PPARGC1A: variants seen among roughly 807,000 people sequenced by gnomAD.
PPARGC1A encodes the protein PPARG coactivator 1 alpha.
PPARGC1A carries 25 observed loss-of-function variants against 88.7 expected under a neutral mutation model. The ratio of observed to expected loss-of-function variants is 0.28; its 90% CI spans 0.21 to 0.39. The LOEUF (loss-of-function observed/expected upper bound fraction) is 0.39, where lower values mean the gene tolerates loss of function less well. Among genes scored for constraint, PPARGC1A ranks in the 10% least tolerant of loss-of-function variants. PPARGC1A has a pLI of 1.00. For synonymous variants in PPARGC1A, 363 were observed against 355.6 expected (o/e 1.02, Z -0.24); for missense variants, 880 against 968.7 (o/e 0.91, Z 1.22).
At chr4:24,238,216 T>A in the PPARGC1A span, among the ~76,000 whole-genome samples, 1 of 152,188 alleles carries the variant, frequency 6.6e-6, no homozygotes, top group Non-Finnish European at 1.5e-5. Context: ...CTACACACAG[T>A]ATCACCCTCT....
the PPARGC1A span, among the ~76,000 whole-genome samples, chr4:24,218,106 C>G: frequency 6.6e-6 from 1 of 152,144 alleles, no homozygotes; most frequent in South Asian, 2.1e-4. Flanking sequence ...TTAAGACAAA[C>G]ATGTTTTCCT....
the PPARGC1A span, among the ~76,000 whole-genome samples, chr4:24,177,373 A>C: frequency 2.7e-5 from 4 of 150,652 alleles, no homozygotes; most frequent in Non-Finnish European, 1.5e-5. Flanking sequence ...AGGACAAAAA[A>C]CCAAACACCG....
the PPARGC1A span, among the ~76,000 whole-genome samples, chr4:24,057,865 CTG>C: frequency 1.3e-5 from 2 of 152,222 alleles, no homozygotes; most frequent in African/African-American, 2.4e-5. Context: ...AATTGGAAAA[CTG>C]TTTTAATTAG....
At chr4:24,227,391 T>C in the PPARGC1A span, among the ~76,000 whole-genome samples, 4 of 152,206 alleles carry the variant, frequency 2.6e-5, no homozygotes, top group Non-Finnish European at 4.4e-5. Context: ...CAACATAGCC[T>C]TGGGCAAATG....
At chr4:24,291,574 G>A in the PPARGC1A span, among the ~76,000 whole-genome samples, 5 of 152,108 alleles carry the variant, frequency 3.3e-5, no homozygotes, top group African/African-American at 1.2e-4. Context: ...TCAAGTATGG[G>A]AACACTGAGG....
chr4:24,455,809 C>A, the PPARGC1A span, among the ~76,000 whole-genome samples: 1 of 152,310 alleles, frequency 6.6e-6, no homozygotes, highest in East Asian at 1.9e-4. Context: ...ACACGAAGGC[C>A]CTCACCAAAC....
the PPARGC1A span, among the ~76,000 whole-genome samples, chr4:24,295,848 G>T: frequency 6.6e-6 from 1 of 151,120 alleles, no homozygotes; most frequent in South Asian, 2.1e-4. Context: ...AACAGAAAAT[G>T]ACATTGTCAT....
chr4:23,801,927 T>C lies in PPARGC1A; in HGVS notation c.2142-46A>G, dbSNP rs758664347. 10 of 1,605,056 alleles carry C rather than the reference T, an allele frequency of 6.2e-6. 1 individual carries two copies. In the South Asian group the frequency reaches 7.7e-5, roughly 12 times the overall value. On this transcript the variant is annotated intron_variant, in intron 11 of 12. Coordinates refer to ENST00000264867, the MANE Select transcript of PPARGC1A (RefSeq NM_013261.5). The stretch of plus-strand genomic sequence containing the variant: ...TTCAAAGCTGGTTAAGAAGTATTAG[T>C]ATATGGGACTGTAACCCTTTCTACT...
At chr4:24,419,345 ATCT>A in the PPARGC1A span, among the ~76,000 whole-genome samples, 9 of 112,140 alleles carry the variant, frequency 8.0e-5, no homozygotes, top group South Asian at 2.6e-3. Flanking sequence ...TTCCTAACAA[ATCT>A]TCAAGTGTGT....
intron 2 of PPARGC1A, among the ~76,000 whole-genome samples, chr4:23,843,278 A>G (rs910985729): frequency 2.6e-5 from 4 of 152,098 alleles, no homozygotes; most frequent in Non-Finnish European, 5.9e-5. Flanking sequence ...AGGCCGTATA[A>G]TATTGCTATA....
the PPARGC1A span, among the ~76,000 whole-genome samples, chr4:23,914,363 C>T: frequency 2.2e-3 from 340 of 152,308 alleles, no homozygotes; most frequent in African/African-American, 7.5e-3. Context: ...TTATTGATTA[C>T]TTGCCCTCTA....
Position 23,793,881 on chromosome 4 carries a change from G to A in PPARGC1A, c.*1941C>T, listed in dbSNP as rs1381830045. On this transcript the variant is annotated 3_prime_UTR_variant, in exon 13 of 13. Transcript: ENST00000264867. ...TGACAATTGTCATGCATCCTAGGTA[G>A]AAAATTTCCACTGGCTTTATTATTT... 2 of 152,416 alleles carry A rather than the reference G, an allele frequency of 1.3e-5. No individual in the cohort carries two copies. Among genetic ancestry groups the A allele is most frequent in the Non-Finnish European group, 2.9e-5 (2 of 68,010 alleles). The allele number at this position is 152,416 out of a possible 1,614,324, so 9.4% of individuals were successfully genotyped here.
chr4:24,159,030 A>G, the PPARGC1A span, among the ~76,000 whole-genome samples: 2 of 152,048 alleles, frequency 1.3e-5, no homozygotes, highest in African/African-American at 4.8e-5. Flanking sequence ...TACTTAATAT[A>G]TTGCATCTTA....
chr4:24,219,871 A>C, the PPARGC1A span, among the ~76,000 whole-genome samples: 3 of 152,204 alleles, frequency 2.0e-5, no homozygotes, highest in Non-Finnish European at 4.4e-5. Context: ...CTTCCTGCTG[A>C]TAATGCCTAG....
the PPARGC1A span, among the ~76,000 whole-genome samples, chr4:23,961,168 T>C: frequency 6.6e-6 from 1 of 152,140 alleles, no homozygotes; most frequent in Non-Finnish European, 1.5e-5. Flanking sequence ...CTCCTAACAG[T>C]ACTATCTTTC....
At chr4:24,303,714 A>AT in the PPARGC1A span, among the ~76,000 whole-genome samples, 1 of 152,102 alleles carries the variant, frequency 6.6e-6, no homozygotes, top group Admixed American at 6.6e-5. Context: ...CAATTCCTCA[A>AT]TTTTTTTCCA....
the PPARGC1A span, among the ~76,000 whole-genome samples, chr4:24,442,721 G>A: frequency 6.6e-6 from 1 of 152,166 alleles, no homozygotes; most frequent in Admixed American, 6.5e-5. Flanking sequence ...GGACAGTAAA[G>A]GTGTGGAATT....
chr4:24,015,786 CT>C, the PPARGC1A span, among the ~76,000 whole-genome samples: 2 of 152,138 alleles, frequency 1.3e-5, no homozygotes, highest in Non-Finnish European at 2.9e-5. Flanking sequence ...CAGAGAAAGC[CT>C]TGCCCAAAGC....
At chr4:24,054,286 ATCTT>A in the PPARGC1A span, among the ~76,000 whole-genome samples, 1 of 146,832 alleles carries the variant, frequency 6.8e-6, no homozygotes, top group African/African-American at 2.6e-5. Context: ...AGTGAAACAC[ATCTT>A]TCTTAATATC....
Sources: gnomAD v4.1 joint callset for allele counts (sites outside exome capture counted in the v4.1 genomes callset) on GRCh38, gnomAD v4.1.1 for gene constraint, MANE v1.5 for transcripts, NCBI Gene and HGNC (gene_info 2026-07-23, HGNC 2026-07-21) for gene names.